The following GNA12 variants were observed in gnomAD, a reference collection of about 807,000 sequenced individuals.
GNA12 encodes guanine nucleotide-binding protein subunit alpha-12.
Under a neutral mutation model 26.0 loss-of-function variants are expected in GNA12, and 9 were observed. The observed-to-expected ratio is 0.35, with a 90% CI of 0.21 to 0.60. The LOEUF (loss-of-function observed/expected upper bound fraction) is 0.60. GNA12 is among the 20% of genes least tolerant of loss of function. The pLI, the probability that GNA12 is intolerant of heterozygous loss-of-function variation, is 0.78. For synonymous variants in GNA12, 264 were observed against 219.6 expected (o/e 1.20, Z -1.79); for missense variants, 405 against 525.8 (o/e 0.77, Z 2.25).
chr7:2,733,778 G>A (rs1393642735), intron 2 of GNA12, among the ~76,000 whole-genome samples: 1 of 152,170 alleles, frequency 6.6e-6, no homozygotes, highest in East Asian at 1.9e-4. Flanking sequence ...TGCGATGCAG[G>A]CCCCTCTGAT....
chr7:2,841,288 C>T (rs1020100370), intron 1 of GNA12, among the ~76,000 whole-genome samples: 1 of 152,162 alleles, frequency 6.6e-6, no homozygotes, highest in Admixed American at 6.5e-5. Flanking sequence ...TTTTCTAACA[C>T]GCACTTCATA....
At chr7:2,811,651 A>G (rs1793084393) in intron 1 of GNA12, among the ~76,000 whole-genome samples, 1 of 152,264 alleles carries the variant, frequency 6.6e-6, no homozygotes, top group African/African-American at 2.4e-5. Flanking sequence ...TTGCAAAACC[A>G]GAAGCGCTTC....
In GNA12 at chr7:2,730,852, G is replaced by A. The variant is rs532471620; in HGVS notation, c.*329C>T. 4.9e-5 allele frequency: 13 copies of A among 264,882 alleles called. No individual in the cohort carries two copies. The highest frequency in any genetic ancestry group is 2.5e-4 in the African/African-American group (8 of 32,072). The allele number at this position is 264,882 out of a possible 1,614,324, so 16.4% of individuals were successfully genotyped here. A position where few individuals can be genotyped will look rare whatever the true frequency, so the allele number is the denominator to read the frequency against. ...GTGTACACACATACACACACAACACGGTCCTCAATTAAACTGCGTCAGAAA... is the reference window on the plus strand; with the variant it reads ...GTGTACACACATACACACACAACACAGTCCTCAATTAAACTGCGTCAGAAA... On this transcript the variant is annotated 3_prime_UTR_variant, in exon 4 of 4. Coordinates refer to ENST00000275364, the MANE Select transcript of GNA12 (RefSeq NM_007353.3).
chr7:2,820,598 C>T (rs949579798), intron 1 of GNA12, among the ~76,000 whole-genome samples: 1 of 152,102 alleles, frequency 6.6e-6, no homozygotes, highest in Admixed American at 6.5e-5. Flanking sequence ...CTGTAAAGCA[C>T]AGAGCACGGA....
At chr7:2,810,063 A>G (rs1793042392) in intron 1 of GNA12, among the ~76,000 whole-genome samples, 1 of 152,192 alleles carries the variant, frequency 6.6e-6, no homozygotes, top group Admixed American at 6.5e-5. Context: ...AGGAGGGGAG[A>G]GGATCGCTTA....
chr7:2,757,605 G>A (rs1345949557), intron 2 of GNA12, among the ~76,000 whole-genome samples: 2 of 152,198 alleles, frequency 1.3e-5, no homozygotes, highest in African/African-American at 2.4e-5. Context: ...GGCGAACTCT[G>A]GATGCCCAGG....
intron 2 of GNA12, among the ~76,000 whole-genome samples, chr7:2,744,706 C>A (rs1790683001): frequency 6.6e-6 from 1 of 152,018 alleles, no homozygotes. Flanking sequence ...AGGCTTCAGA[C>A]AATCAAACTA....
intron 2 of GNA12, chr7:2,794,693 T>G: frequency 1.8e-6 from 1 of 553,400 alleles, no homozygotes; most frequent in East Asian, 3.1e-5. Context: ...ACCCTCCGTA[T>G]TCCCAGAAGA....
At chr7:2,768,498 T>G (rs372109487) in intron 2 of GNA12, among the ~76,000 whole-genome samples, 3 of 151,804 alleles carry the variant, frequency 2.0e-5, no homozygotes, top group African/African-American at 7.3e-5. Flanking sequence ...CATCCTAGAG[T>G]CCTGAGACAT....
chr7:2,778,663 C>G (rs1417935913), intron 2 of GNA12, among the ~76,000 whole-genome samples: 1 of 152,186 alleles, frequency 6.6e-6, no homozygotes, highest in Non-Finnish European at 1.5e-5. Flanking sequence ...ATCAGAGAGC[C>G]AGGTAGGTAA....
At chr7:2,827,100 A>G (rs1793501792) in intron 1 of GNA12, among the ~76,000 whole-genome samples, 1 of 152,248 alleles carries the variant, frequency 6.6e-6, no homozygotes, top group Non-Finnish European at 1.5e-5. Flanking sequence ...GATAAAGTAT[A>G]TTAATTTTAA....
intron 1 of GNA12, among the ~76,000 whole-genome samples, chr7:2,824,832 G>A (rs191352112): frequency 3.1e-4 from 47 of 152,256 alleles, no homozygotes; most frequent in Non-Finnish European, 5.7e-4. Context: ...TGGCAGCACA[G>A]CCATCACCTA....
chr7:2,832,908 C>A (rs546427079), intron 1 of GNA12, among the ~76,000 whole-genome samples: 1 of 152,194 alleles, frequency 6.6e-6, no homozygotes, highest in Non-Finnish European at 1.5e-5. Context: ...CCAAAGCAGA[C>A]GTTCCAAATG....
At chr7:2,842,194 T>C (rs1315219783) in intron 1 of GNA12, among the ~76,000 whole-genome samples, 2 of 149,580 alleles carry the variant, frequency 1.3e-5, no homozygotes, top group Non-Finnish European at 3.0e-5. Context: ...GGACGCTATC[T>C]AGGTGTAAGC....
At chr7:2,753,970 G>GC (rs1284268171) in intron 2 of GNA12, among the ~76,000 whole-genome samples, 1 of 152,122 alleles carries the variant, frequency 6.6e-6, no homozygotes, top group Non-Finnish European at 1.5e-5. Flanking sequence ...CATCTTAGGT[G>GC]CTTTGTTCAC....
At chr7:2,787,778 G>A (rs188261669) in intron 2 of GNA12, among the ~76,000 whole-genome samples, 273 of 152,342 alleles carry the variant, frequency 1.8e-3, no homozygotes, top group African/African-American at 6.5e-3. Flanking sequence ...TCAGTCCCAC[G>A]GCTATGCTAA....
intron 1 of GNA12, 24 bp from the exon 2 acceptor site, chr7:2,795,167 A>C: frequency 3.8e-6 from 6 of 1,571,380 alleles, no homozygotes; most frequent in Non-Finnish European, 5.3e-6. Flanking sequence ...GAAAGAAGAG[A>C]GGATTTAATT....
At chr7:2,779,857 C>CA (rs1422704369) in intron 2 of GNA12, among the ~76,000 whole-genome samples, 2 of 151,972 alleles carry the variant, frequency 1.3e-5, no homozygotes, top group Admixed American at 1.3e-4. Flanking sequence ...CTCAGCCTCC[C>CA]AAAGTGGTGG....
At chr7:2,822,999 T>G (rs1194623489) in intron 1 of GNA12, among the ~76,000 whole-genome samples, 8 of 152,190 alleles carry the variant, frequency 5.3e-5, no homozygotes, top group Non-Finnish European at 8.8e-5. Flanking sequence ...CAACATGGTT[T>G]AGGAGATTAA....
Sources: allele counts gnomAD v4.1 joint callset (sites outside exome capture counted in the v4.1 genomes callset), GRCh38; gene constraint gnomAD v4.1.1; transcripts MANE v1.5; gene names NCBI Gene and HGNC (gene_info 2026-07-23, HGNC 2026-07-21).